The following THAP4 variants were observed in gnomAD, a reference collection of about 807,000 sequenced individuals.
The protein encoded by THAP4 is THAP domain containing 4.
THAP4 carries 18 observed loss-of-function variants against 48.1 expected under a neutral mutation model. The ratio of observed to expected loss-of-function variants is 0.37; its 90% confidence interval spans 0.26 to 0.56. The LOEUF (loss-of-function observed/expected upper bound fraction) is 0.56, where lower values mean the gene tolerates loss of function less well. THAP4 is among the 20% of genes least tolerant of loss of function. The probability of loss-of-function intolerance (pLI) is 0.78; values close to 1 mark genes in which losing one functional copy is unlikely to be tolerated. For synonymous variants in THAP4, 345 were observed against 324.9 expected, an observed-to-expected ratio of 1.06 and a Z score of -0.66; for missense variants, 656 against 774.9, an observed-to-expected ratio of 0.85 and a Z score of 1.82.
chr2:241,606,579 A>C, intron 2 of THAP4, 106 bp from the exon 3 acceptor site: 1 of 1,136,662 alleles, frequency 8.8e-7, no homozygotes, highest in Non-Finnish European at 1.2e-6. Context: ...TGGTGGCCAC[A>C]GCTAATCCTG....
In THAP4 at chr2:241,617,498, G is replaced by C. The variant is rs544586476; in HGVS notation, c.1241-11025C>G. On this transcript the variant is annotated intron_variant, in intron 2 of 5. Transcript: ENST00000407315. Reference sequence around the variant, plus strand: ...AATTGACGGGAAATGTTTGCACCTGGCTCTTAATGGCTCTGCAGGAAGTGA... The same window carrying C: ...AATTGACGGGAAATGTTTGCACCTGCCTCTTAATGGCTCTGCAGGAAGTGA... The C allele has an allele frequency of 1.9e-6, 3 of 1,541,806 alleles. No homozygotes were observed. In the South Asian group the frequency reaches 3.7e-5, roughly 19 times the overall value.
chr2:241,597,165 T>C (rs554980621), intron 5 of THAP4, among the ~76,000 whole-genome samples: 2 of 152,150 alleles, frequency 1.3e-5, no homozygotes, highest in East Asian at 3.9e-4. Context: ...AATTTCGCTC[T>C]TGTCGCCCAG....
Position 241,633,679 on chromosome 2 carries a change from C to A in THAP4, c.478G>T (p.Glu160Ter). Residue 160 changes from glutamate (E) to a stop codon, truncating the protein, a stop_gained, in exon 2 of 6, where the codon GAG (glutamate) becomes TAG (stop). Coordinates refer to ENST00000407315, the MANE Select transcript of THAP4 (RefSeq NM_015963.6). LOFTEE classifies it high-confidence loss of function. This position sits in a 1 kb window ranked among gnomAD's most constrained non-coding sequence, Gnocchi z 7.5. ...TGGGCCTGCTCCTGGCTGGCGGCCT[C>A]CTGGGCCGCCCTGGGTGTGGCTTCA... ...QGEATPRAAQ[E>*]AASQEQAQQA... The A allele has an allele frequency of 6.2e-7, 1 of 1,610,912 alleles. No individual in the cohort carries two copies. The highest frequency in any genetic ancestry group is 8.5e-7 in the Non-Finnish European group (1 of 1,179,712).
chr2:241,588,480 T>C (rs1013628452), intron 5 of THAP4, among the ~76,000 whole-genome samples: 1 of 152,128 alleles, frequency 6.6e-6, no homozygotes, highest in African/African-American at 2.4e-5. Context: ...AAAACAATTT[T>C]GGAAAAAAGA....
chr2:241,601,814 C>T lies in THAP4; in HGVS notation c.1614+82G>A, dbSNP rs867800907. The T allele has an allele frequency of 3.8e-6, 6 of 1,583,218 alleles. No individual in the cohort carries two copies. In the African/African-American group the frequency reaches 6.7e-5, roughly 18 times the overall value. ...AGACACAGTGGCAAGACACGCACTA[C>T]CTCACGGAAGAGGAAGAGGCTGACT... On this transcript the variant is annotated intron_variant, in intron 5 of 5. Coordinates refer to ENST00000407315, the MANE Select transcript of THAP4 (RefSeq NM_015963.6). The surrounding 1 kb of genome is among the most constrained non-coding windows in gnomAD (Gnocchi z 4.0).
chr2:241,600,396 G>A (rs904133801), intron 5 of THAP4, among the ~76,000 whole-genome samples: 5 of 152,042 alleles, frequency 3.3e-5, no homozygotes, highest in African/African-American at 9.7e-5. Flanking sequence ...TAAAGGTCTA[G>A]GTGGTAATGT....
chr2:241,635,430 T>C (rs1250416308), intron 1 of THAP4, among the ~76,000 whole-genome samples: 2 of 152,254 alleles, frequency 1.3e-5, no homozygotes, highest in Non-Finnish European at 2.9e-5. Context: ...TTCATAACCA[T>C]TTCTTCATTA....
At chr2:241,615,946 C>A (rs1187224789) in intron 2 of THAP4, among the ~76,000 whole-genome samples, 1 of 152,222 alleles carries the variant, frequency 6.6e-6, no homozygotes, top group Non-Finnish European at 1.5e-5. Context: ...ACAGGCCCAG[C>A]CCGGCTGGCC....
intron 1 of THAP4, among the ~76,000 whole-genome samples, chr2:241,635,060 G>A (rs2067618496): frequency 6.6e-6 from 1 of 152,238 alleles, no homozygotes; most frequent in African/African-American, 2.4e-5. Context: ...AATTCTGGAG[G>A]TGGATGGTAG....
intron 2 of THAP4, among the ~76,000 whole-genome samples, chr2:241,629,697 G>A (rs534383559): frequency 2.0e-5 from 3 of 151,700 alleles, no homozygotes; most frequent in Non-Finnish European, 4.4e-5. Flanking sequence ...GAAGAAATAA[G>A]ACGTTAAACG....
chr2:241,637,575 G>C (rs1287442738), upstream of THAP4: 4 of 1,511,756 alleles, frequency 2.6e-6, no homozygotes, highest in African/African-American at 1.5e-5. Flanking sequence ...CGGCTCCCGC[G>C]TATTTCCGCT....
rs958856255 is a variant in THAP4, at chr2:241,633,827, C to T, written c.330G>A (p.Gly110=). The T allele has an allele frequency of 3.7e-6, 6 of 1,613,738 alleles. No individual in the cohort carries two copies. The highest frequency in any genetic ancestry group is 1.1e-5 in the South Asian group (1 of 91,090). ...TRRKDASKAT[G]GVRGHSSAAT... is the part of the protein sequence containing the mutation. ...CGGCACTCGAGTGTCCCCTCACACC[C>T]CCTGTGGCCTTGCTGGCATCTTTTC... Residue 110 remains glycine, a synonymous_variant, in exon 2 of 6, where the codon GGG becomes GGA. Transcript: ENST00000407315. The surrounding 1 kb of genome is among the most constrained non-coding windows in gnomAD (Gnocchi z 7.5).
chr2:241,599,393 C>T (rs984048118), intron 5 of THAP4, among the ~76,000 whole-genome samples: 3 of 152,160 alleles, frequency 2.0e-5, no homozygotes, highest in Non-Finnish European at 4.4e-5. Context: ...TCTATCCATG[C>T]TGTGCCTAAG....
At chr2:241,617,419 T>C (rs2067361404) in intron 2 of THAP4, 1 of 1,550,750 alleles carries the variant, frequency 6.4e-7, no homozygotes. Flanking sequence ...TACCCATCCC[T>C]AAGTTTTCTA....
At chr2:241,611,650 G>A (rs924692529) in intron 2 of THAP4, among the ~76,000 whole-genome samples, 16 of 151,552 alleles carry the variant, frequency 1.1e-4, no homozygotes, top group African/African-American at 2.7e-4. Flanking sequence ...CATGAACCCC[G>A]GAGGCACAGG....
chr2:241,591,804 G>T (rs957485487), intron 5 of THAP4: 3 of 152,194 alleles, frequency 2.0e-5, no homozygotes, highest in African/African-American at 7.2e-5. Flanking sequence ...ATTTTGACCT[G>T]TTAGTGAGGA....
At chr2:241,609,867 C>A (rs2067241663) in intron 2 of THAP4, among the ~76,000 whole-genome samples, 1 of 152,228 alleles carries the variant, frequency 6.6e-6, no homozygotes, top group Non-Finnish European at 1.5e-5. Context: ...CACCCCACAG[C>A]GACTGCCACG....
chr2:241,591,756 G>A (rs1244432786), intron 5 of THAP4, among the ~76,000 whole-genome samples: 1 of 152,210 alleles, frequency 6.6e-6, no homozygotes, highest in Non-Finnish European at 1.5e-5. Flanking sequence ...AAGATTTTAG[G>A]TTGAACTGTG....
intron 2 of THAP4, among the ~76,000 whole-genome samples, chr2:241,631,882 G>A (rs2067566817): frequency 6.6e-6 from 1 of 151,068 alleles, no homozygotes; most frequent in Non-Finnish European, 1.5e-5. Flanking sequence ...AACAGAGAAT[G>A]TATTGTATTT....
Sources: gnomAD v4.1 joint callset for allele counts (sites outside exome capture counted in the v4.1 genomes callset) on GRCh38, gnomAD v4.1.1 for gene constraint, Gnocchi (gnomAD v3.1) non-coding constraint, MANE v1.5 for transcripts, NCBI Gene and HGNC (gene_info 2026-07-23, HGNC 2026-07-21) for gene names.